Variants in ZMIZ1 observed in about 807,000 individuals in gnomAD.
ZMIZ1 encodes the protein zinc finger MIZ domain-containing protein 1.
A neutral mutation model predicts 113.9 loss-of-function variants in ZMIZ1; 17 were observed. The ratio of observed to expected loss-of-function variants is 0.15; its 90% CI spans 0.10 to 0.22. The LOEUF is 0.22. Ranked by LOEUF, ZMIZ1 falls within the 10% of genes least tolerant of loss-of-function variation. The probability of loss-of-function intolerance (pLI) is 1.00; values close to 1 mark genes in which losing one functional copy is unlikely to be tolerated. For synonymous variants in ZMIZ1, 607 were observed against 603.1 expected (o/e 1.01, Z -0.09); for missense variants, 1,059 against 1,477.8 (o/e 0.72, Z 4.65).
chr10:79,207,095 A>C (rs1332699525), intron 5 of ZMIZ1, among the ~76,000 whole-genome samples: 2 of 152,316 alleles, frequency 1.3e-5, no homozygotes, highest in East Asian at 3.9e-4. Flanking sequence ...GTGAAGGCAG[A>C]GTGTGGATTC....
At chr10:79,155,595 G>T (rs1339687649) in intron 3 of ZMIZ1, among the ~76,000 whole-genome samples, 1 of 152,220 alleles carries the variant, frequency 6.6e-6, no homozygotes, top group Admixed American at 6.5e-5. Context: ...ACGGGCAGAA[G>T]TCATTCCTGG....
chr10:79,150,310 C>A (rs1845662216), intron 3 of ZMIZ1, among the ~76,000 whole-genome samples: 1 of 152,250 alleles, frequency 6.6e-6, no homozygotes, highest in South Asian at 2.1e-4. Flanking sequence ...GAGCTGCTGC[C>A]AGGAATCCTG....
intron 2 of ZMIZ1, among the ~76,000 whole-genome samples, chr10:79,137,263 C>T (rs555923502): frequency 5.1e-4 from 78 of 152,272 alleles, no homozygotes; most frequent in Admixed American, 3.3e-3. Flanking sequence ...CTATGGACAG[C>T]GGTGTTATGT....
chr10:79,276,486 G>T (rs896471487), intron 7 of ZMIZ1, among the ~76,000 whole-genome samples: 1 of 152,154 alleles, frequency 6.6e-6, no homozygotes, highest in Non-Finnish European at 1.5e-5. Flanking sequence ...GGGCACCCCT[G>T]GCTGCCTCCT....
chr10:79,189,048 AT>A (rs1847480029), intron 4 of ZMIZ1, among the ~76,000 whole-genome samples: 1 of 152,156 alleles, frequency 6.6e-6, no homozygotes, highest in African/African-American at 2.4e-5. Flanking sequence ...TCCTGTCTTT[AT>A]TAGAGATGGT....
chr10:79,142,386 T>C (rs1001719162), intron 3 of ZMIZ1, among the ~76,000 whole-genome samples: 1 of 152,002 alleles, frequency 6.6e-6, no homozygotes, highest in Non-Finnish European at 1.5e-5. Context: ...AGCCTGAATG[T>C]GAGTCACGGG....
intron 5 of ZMIZ1, among the ~76,000 whole-genome samples, chr10:79,208,058 G>A (rs1848395986): frequency 6.7e-6 from 1 of 149,550 alleles, no homozygotes; most frequent in African/African-American, 2.5e-5. Flanking sequence ...TGGGGGTAGA[G>A]GTGGAGGTGA....
intron 4 of ZMIZ1, among the ~76,000 whole-genome samples, chr10:79,170,990 A>G (rs983255832): frequency 2.0e-5 from 3 of 152,112 alleles, no homozygotes; most frequent in Admixed American, 6.5e-5. Flanking sequence ...GCTCCTGAAC[A>G]CTGGTCCCTT....
chr10:79,312,030 C>A (rs1343621966), intron 24 of ZMIZ1, among the ~76,000 whole-genome samples: 1 of 152,214 alleles, frequency 6.6e-6, no homozygotes, highest in Non-Finnish European at 1.5e-5. Context: ...CCAGTGTTCC[C>A]CCTCAAACCA....
intron 11 of ZMIZ1, 33 bp downstream of exon 11, chr10:79,292,389 GCCCAGCCA>G (rs781681859): frequency 6.3e-7 from 1 of 1,584,966 alleles, no homozygotes; most frequent in South Asian, 1.1e-5. Context: ...GTCCAGCCTT[GCCCAGCCA>G]GCCAGGCAGA....
intron 1 of ZMIZ1, among the ~76,000 whole-genome samples, chr10:79,087,761 T>A (rs1424402341): frequency 2.6e-5 from 4 of 152,256 alleles, no homozygotes; most frequent in Admixed American, 6.5e-5. Context: ...TGTTCCTCTC[T>A]GCTCTGTCTG....
chr10:79,071,957 C>A (rs141217636), intron 1 of ZMIZ1, among the ~76,000 whole-genome samples: 753 of 71,420 alleles, frequency 0.011, 6 homozygotes, highest in Non-Finnish European at 0.016. Context: ...GAGTTGGTGG[C>A]AGTGACTGGG....
intron 2 of ZMIZ1, among the ~76,000 whole-genome samples, chr10:79,137,531 C>G (rs975721863): frequency 6.6e-6 from 1 of 152,122 alleles, no homozygotes; most frequent in Non-Finnish European, 1.5e-5. Flanking sequence ...CAGGCAGGGG[C>G]GGGTGGGGCC....
chr10:79,181,151 G>C (rs1357894615), intron 4 of ZMIZ1, among the ~76,000 whole-genome samples: 2 of 152,134 alleles, frequency 1.3e-5, no homozygotes, highest in Non-Finnish European at 2.9e-5. Context: ...CTCCCTGCTA[G>C]AGCAGGCTTG....
intron 8 of ZMIZ1, among the ~76,000 whole-genome samples, chr10:79,277,857 G>T (rs947974515): frequency 6.6e-6 from 1 of 152,256 alleles, no homozygotes; most frequent in African/African-American, 2.4e-5. Context: ...CACGTGGCCA[G>T]GACTGGCAAT....
intron 1 of ZMIZ1, among the ~76,000 whole-genome samples, chr10:79,093,157 C>T (rs1285883525): frequency 1.4e-5 from 2 of 141,864 alleles, no homozygotes; most frequent in East Asian, 4.0e-4. Context: ...CACACACACA[C>T]ACACACACAC....
chr10:79,206,419 G>A (rs1299718767), intron 5 of ZMIZ1, among the ~76,000 whole-genome samples: 2 of 152,216 alleles, frequency 1.3e-5, no homozygotes. Context: ...AACTCGGTTA[G>A]CAGGGGTGGC....
chr10:79,201,637 A>G lies in ZMIZ1; in HGVS notation c.5A>G (p.Asn2Ser). The G allele has an allele frequency of 6.2e-7, 1 of 1,613,612 alleles. No individual in the cohort carries two copies. Among genetic ancestry groups the G allele is most frequent in the Admixed American group, 1.7e-5 (1 of 59,982 alleles). The part of the protein sequence containing the change: M[N>S]SMDRHIQQTN... ...GAACCTAGTGAAACGGCCAGAATGA[A>G]TTCTATGGACAGGCACATCCAGCAG... The change falls in exon 5 of 25, where the codon AAT (asparagine) becomes AGT (serine). Residue 2 changes from asparagine to serine, a missense_variant. Physicochemically the swap from Asn to Ser is conservative, Grantham distance 46 (BLOSUM62 1). Transcript: ENST00000334512.
Position 79,229,101 on chromosome 10 carries a change from T to G in ZMIZ1, c.280+12827T>G, listed in dbSNP as rs554401856. On this transcript the variant is annotated intron_variant, in intron 7 of 24. Coordinates refer to ENST00000334512, the MANE Select transcript of ZMIZ1 (RefSeq NM_020338.4). ...CCACAGATCTAGAATCCAGCTCTCC[T>G]GGCTGGAGCAGCAGCAATTCTGTTT... 9.2e-5 allele frequency among the ~76,000 whole-genome samples: 14 copies of G among 152,348 alleles called. No homozygotes were observed. In the South Asian group the frequency reaches 2.5e-3, roughly 27 times the overall value.
Sources: gnomAD v4.1 joint callset for allele counts (sites outside exome capture counted in the v4.1 genomes callset) on GRCh38, gnomAD v4.1.1 for gene constraint, MANE v1.5 for transcripts, NCBI Gene and HGNC (gene_info 2026-07-23, HGNC 2026-07-21) for gene names.